COL8A1: variants seen among roughly 807,000 people sequenced by gnomAD.
The protein encoded by COL8A1 is collagen alpha-1(VIII) chain.
COL8A1 carries 21 observed loss-of-function variants against 42.7 expected under a neutral mutation model. That is an observed-to-expected ratio of 0.49 (90% CI 0.35 to 0.71). COL8A1 has a LOEUF of 0.71. COL8A1 is among the 30% of genes least tolerant of loss of function. The pLI, the probability that COL8A1 is intolerant of heterozygous loss-of-function variation, is 0.01. For missense variants in COL8A1, 788 were observed against 962.4 expected (o/e 0.82, Z 2.40); for synonymous variants, 367 against 369.1 (o/e 0.99, Z 0.06).
At chr3:99,690,741 T>C (rs1939194029) in intron 1 of COL8A1, among the ~76,000 whole-genome samples, 2 of 152,212 alleles carry the variant, frequency 1.3e-5, no homozygotes, top group Non-Finnish European at 2.9e-5. Context: ...CTAAAAACAA[T>C]CTTTGTTGTA....
At chr3:99,762,819 G>A (rs1226207290) in intron 2 of COL8A1, among the ~76,000 whole-genome samples, 1 of 152,134 alleles carries the variant, frequency 6.6e-6, no homozygotes, top group African/African-American at 2.4e-5. Flanking sequence ...GCTCTGCATG[G>A]CACAATCCTT....
chr3:99,738,477 C>T (rs567671909), intron 1 of COL8A1, among the ~76,000 whole-genome samples: 28 of 152,294 alleles, frequency 1.8e-4, no homozygotes, highest in African/African-American at 5.1e-4. Context: ...TGTTGGAATA[C>T]GCTGCCGTGT....
At chr3:99,695,368 T>C in intron 1 of COL8A1, among the ~76,000 whole-genome samples, 1 of 152,196 alleles carries the variant, frequency 6.6e-6, no homozygotes, top group East Asian at 1.9e-4. Context: ...TTTTTGGTAA[T>C]AAACCAGCAT....
At chr3:99,695,061 A>G (rs1021225047) in intron 1 of COL8A1, among the ~76,000 whole-genome samples, 69 of 152,174 alleles carry the variant, frequency 4.5e-4, no homozygotes, top group African/African-American at 1.6e-3. Flanking sequence ...TTTTCCTACC[A>G]AGATCCTATA....
intron 1 of COL8A1, among the ~76,000 whole-genome samples, chr3:99,653,881 G>A (rs1937930189): frequency 6.6e-6 from 1 of 152,084 alleles, no homozygotes; most frequent in Non-Finnish European, 1.5e-5. Context: ...TAGGATAGAT[G>A]TATTTATGAA....
In COL8A1 at chr3:99,713,428, A is replaced by C. The variant is rs540727586; in HGVS notation, c.-128-31469A>C. Among the ~76,000 whole-genome samples the C allele has an allele frequency of 2.0e-5, 3 of 152,264 alleles. No individual in the cohort carries two copies. In the South Asian group the frequency reaches 6.2e-4, roughly 32 times the overall value. On this transcript the variant is annotated intron_variant, in intron 1 of 3. Transcript: ENST00000652472. ...CTAGATGCCAGATGCTCCCTCAAGC[A>C]ACAGATTAAGAAAAAGAGAAACCAG...
chr3:99,798,259 TACA>T lies in COL8A1; in HGVS notation c.*2128_*2130del, dbSNP rs1942137160. On this transcript the variant is annotated 3_prime_UTR_variant, in exon 4 of 4. Coordinates refer to ENST00000652472, the MANE Select transcript of COL8A1 (RefSeq NM_020351.4). ...CAGGGGTTCTTGTCACTACTAATTATACAACAATCTTTTCCCAACAAAAAGATG... is the reference window on the plus strand; with the variant it reads ...CAGGGGTTCTTGTCACTACTAATTATACAATCTTTTCCCAACAAAAAGATG... 1 of 152,228 alleles carries T rather than the reference TACA, an allele frequency of 6.6e-6. No individual in the cohort carries two copies. The highest frequency in any genetic ancestry group is 1.5e-5 in the Non-Finnish European group (1 of 68,032). 9.4% of individuals were successfully genotyped at this position (152,228 alleles called of 1,614,324 possible).
chr3:99,722,461 T>G (rs913220205), intron 1 of COL8A1, among the ~76,000 whole-genome samples: 4 of 152,142 alleles, frequency 2.6e-5, no homozygotes, highest in African/African-American at 4.8e-5. Flanking sequence ...CTGACAAGAC[T>G]TATATTAAAA....
At chr3:99,762,254 CA>C (rs1941378855) in intron 2 of COL8A1, among the ~76,000 whole-genome samples, 1 of 152,202 alleles carries the variant, frequency 6.6e-6, no homozygotes, top group African/African-American at 2.4e-5. Context: ...GAAAATCACG[CA>C]CATTTTAGTG....
intron 1 of COL8A1, among the ~76,000 whole-genome samples, chr3:99,668,226 A>G (rs1343214978): frequency 6.6e-6 from 1 of 152,162 alleles, no homozygotes; most frequent in Non-Finnish European, 1.5e-5. Context: ...GTGTGGAAAA[A>G]GAAATTCCTG....
At chr3:99,792,254 C>T (rs1942015389) in intron 3 of COL8A1, among the ~76,000 whole-genome samples, 1 of 152,170 alleles carries the variant, frequency 6.6e-6, no homozygotes, top group Admixed American at 6.5e-5. Flanking sequence ...AATGGCTTGC[C>T]TTGCCTTTGG....
intron 2 of COL8A1, among the ~76,000 whole-genome samples, chr3:99,765,417 G>A (rs186548168): frequency 3.9e-5 from 6 of 152,236 alleles, no homozygotes; most frequent in Non-Finnish European, 7.4e-5. Context: ...CAATAATGTC[G>A]TGTTTTGTTT....
intron 1 of COL8A1, among the ~76,000 whole-genome samples, chr3:99,674,170 A>G (rs561987405): frequency 5.3e-5 from 8 of 151,968 alleles, no homozygotes; most frequent in African/African-American, 1.7e-4. Context: ...CCTTTTTTCA[A>G]TCAATACTTT....
At chr3:99,705,430 A>G (rs569952066) in intron 1 of COL8A1, among the ~76,000 whole-genome samples, 83 of 152,270 alleles carry the variant, frequency 5.5e-4, no homozygotes, top group African/African-American at 1.9e-3. Flanking sequence ...TTCTTTCTCT[A>G]TTAGAATTTA....
chr3:99,639,140 TA>T (rs199533581), intron 1 of COL8A1, among the ~76,000 whole-genome samples: 3 of 152,124 alleles, frequency 2.0e-5, no homozygotes, highest in African/African-American at 7.2e-5. Flanking sequence ...GTGAGTCCTT[TA>T]AAAAAATATC....
At chr3:99,658,014 T>A (rs568420434) in intron 1 of COL8A1, among the ~76,000 whole-genome samples, 6 of 151,614 alleles carry the variant, frequency 4.0e-5, no homozygotes, top group Admixed American at 1.3e-4. Context: ...GTAATCCCAG[T>A]TACTCAGGAG....
In COL8A1 at chr3:99,796,161, A is replaced by T. The variant is rs1942105715; in HGVS notation, c.*25A>T. ...AAAACAAAAAAACAAAAAACAAAGA[A>T]AAGAAAGAGATTTTATAGAAGAAAA... On this transcript the variant is annotated 3_prime_UTR_variant, in exon 4 of 4. Coordinates refer to ENST00000652472, the MANE Select transcript of COL8A1 (RefSeq NM_020351.4). 1.4e-6 allele frequency: 2 copies of T among 1,441,128 alleles called. No homozygotes were observed. The highest frequency in any genetic ancestry group is 1.4e-5 in the African/African-American group (1 of 70,734). The allele number at this position is 1,441,128 out of a possible 1,614,324, so 89.3% of individuals were successfully genotyped here.
intron 1 of COL8A1, chr3:99,691,913 A>G (rs1939231171): frequency 6.6e-6 from 1 of 152,144 alleles, no homozygotes; most frequent in Non-Finnish European, 1.5e-5. Context: ...CCAAGTGTTA[A>G]TGTTACAACA....
chr3:99,721,811 T>C (rs1482113729), intron 1 of COL8A1, among the ~76,000 whole-genome samples: 2 of 151,570 alleles, frequency 1.3e-5, no homozygotes, highest in Admixed American at 6.6e-5. Context: ...CAGGCTGATA[T>C]GTGAAAAAAC....
Sources: allele counts gnomAD v4.1 joint callset (sites outside exome capture counted in the v4.1 genomes callset), GRCh38; gene constraint gnomAD v4.1.1; transcripts MANE v1.5; gene names NCBI Gene and HGNC (gene_info 2026-07-23, HGNC 2026-07-21).